Variants in DMC1 observed in about 807,000 individuals in gnomAD.
DMC1 encodes DNA meiotic recombinase 1, also known as meiotic recombination protein DMC1 homolog.
In DMC1, 27 loss-of-function variants were observed where a neutral mutation model predicts 50.1. The observed-to-expected ratio is 0.54, with a 90% confidence interval of 0.40 to 0.74. The LOEUF is 0.74. DMC1 is among the 30% of genes least tolerant of loss of function. The pLI is 0.00. For synonymous variants in DMC1, 148 were observed against 136.1 expected (o/e 1.09, Z -0.61); for missense variants, 295 against 420.2 (o/e 0.70, Z 2.60).
intron 12 of DMC1, among the ~76,000 whole-genome samples, chr22:38,528,448 G>A (rs1013564685): frequency 1.3e-5 from 2 of 151,840 alleles, no homozygotes; most frequent in African/African-American, 4.8e-5. Flanking sequence ...TATCCTTACG[G>A]CAATCTTGGC....
intron 12 of DMC1, among the ~76,000 whole-genome samples, chr22:38,525,419 G>A (rs2090077491): frequency 6.6e-6 from 1 of 152,118 alleles, no homozygotes; most frequent in South Asian, 2.1e-4. Context: ...AAACAAGACT[G>A]GGAAGCTAGA....
intron 4 of DMC1, among the ~76,000 whole-genome samples, chr22:38,565,514 G>C (rs891196240): frequency 3.3e-5 from 5 of 152,188 alleles, no homozygotes; most frequent in African/African-American, 1.2e-4. Context: ...ATTAAAAGTG[G>C]GTATAACTAT....
At chr22:38,515,606 C>T (rs12163172), downstream of DMC1, among the ~76,000 whole-genome samples, 1 of 152,070 alleles carries the variant, frequency 6.6e-6, no homozygotes, top group East Asian at 1.9e-4. Flanking sequence ...CGAGACCATC[C>T]TGGCCAACAT....
At chr22:38,522,684 C>G (rs1350195851) in intron 12 of DMC1, among the ~76,000 whole-genome samples, 1 of 152,148 alleles carries the variant, frequency 6.6e-6, no homozygotes, top group Non-Finnish European at 1.5e-5. Flanking sequence ...AGAATAATAG[C>G]TTCAGTTCTG....
intron 5 of DMC1, 21 bp from the exon 6 acceptor site, chr22:38,555,430 T>A (rs1254454310): frequency 6.8e-7 from 1 of 1,478,704 alleles, no homozygotes; most frequent in Non-Finnish European, 9.5e-7. Flanking sequence ...AAAGAAAGCA[T>A]TAGTAACAGG....
chr22:38,568,063 C>G, intron 2 of DMC1, 143 bp downstream of exon 2: 1 of 769,314 alleles, frequency 1.3e-6, no homozygotes, highest in Non-Finnish European at 2.2e-6. Flanking sequence ...AGCATCCTTG[C>G]CAAACAAGTT....
intron 12 of DMC1, among the ~76,000 whole-genome samples, chr22:38,535,005 TA>T (rs968216001): frequency 1.5e-4 from 20 of 135,258 alleles, no homozygotes; most frequent in South Asian, 2.3e-4. Context: ...AAACTCCATC[TA>T]AAAAAAAAAG....
chr22:38,556,703 G>C (rs2090472207), intron 5 of DMC1, among the ~76,000 whole-genome samples: 1 of 152,256 alleles, frequency 6.6e-6, no homozygotes, highest in East Asian at 1.9e-4. Flanking sequence ...ATTGTGCTAA[G>C]ACCTGGTAGG....
At chr22:38,563,313 C>G (rs896892135) in intron 4 of DMC1, among the ~76,000 whole-genome samples, 2 of 151,964 alleles carry the variant, frequency 1.3e-5, no homozygotes, top group Admixed American at 6.6e-5. Flanking sequence ...TAATGGGTGT[C>G]CCTCTTTGTT....
intron 12 of DMC1, among the ~76,000 whole-genome samples, chr22:38,534,052 TA>T (rs2090184267): frequency 6.6e-6 from 1 of 152,190 alleles, no homozygotes; most frequent in African/African-American, 2.4e-5. Flanking sequence ...GTCGGTGTCA[TA>T]AAAGTCTAAC....
At chr22:38,512,031 G>A in the DMC1 span, among the ~76,000 whole-genome samples, 1 of 151,914 alleles carries the variant, frequency 6.6e-6, no homozygotes, top group South Asian at 2.1e-4. Flanking sequence ...CTGGAGTGCA[G>A]TGGCACAATC....
chr22:38,534,849 A>C (rs2090192960), intron 12 of DMC1, among the ~76,000 whole-genome samples: 1 of 148,360 alleles, frequency 6.7e-6, no homozygotes, highest in African/African-American at 2.5e-5. Context: ...TAAAAATACA[A>C]AAAAAATTAG....
At chr22:38,526,530 C>T (rs906307932) in intron 12 of DMC1, among the ~76,000 whole-genome samples, 5 of 152,022 alleles carry the variant, frequency 3.3e-5, no homozygotes, top group Non-Finnish European at 7.4e-5. Flanking sequence ...CTTAACCTTT[C>T]TTGTAGGTCA....
chr22:38,512,026 G>A, the DMC1 span, among the ~76,000 whole-genome samples: 4 of 151,860 alleles, frequency 2.6e-5, no homozygotes, highest in African/African-American at 9.7e-5. Context: ...CCAGGCTGGA[G>A]TGCAGTGGCA....
intron 12 of DMC1, among the ~76,000 whole-genome samples, chr22:38,523,937 G>T (rs2090058820): frequency 6.6e-6 from 1 of 152,164 alleles, no homozygotes; most frequent in African/African-American, 2.4e-5. Context: ...GTCAAGGTTA[G>T]CTAAATGGGC....
intron 8 of DMC1, among the ~76,000 whole-genome samples, chr22:38,546,559 T>C (rs566290353): frequency 1.8e-4 from 27 of 152,184 alleles, no homozygotes; most frequent in Non-Finnish European, 2.4e-4. Context: ...CTTCCCCAAG[T>C]TAAAAGGCTC....
At chr22:38,540,043 G>C (rs556995878) in intron 8 of DMC1, among the ~76,000 whole-genome samples, 1 of 152,220 alleles carries the variant, frequency 6.6e-6, no homozygotes, top group South Asian at 2.1e-4. Context: ...ATCGACCAAA[G>C]GTTTTTTGTT....
intron 7 of DMC1, among the ~76,000 whole-genome samples, chr22:38,551,961 C>T (rs1285133392): frequency 1.3e-5 from 2 of 149,920 alleles, no homozygotes; most frequent in African/African-American, 2.5e-5. Flanking sequence ...CCCGGGTTCA[C>T]GCCATTCTCC....
At position 38,519,919 on chromosome 22, in the gene DMC1, G is replaced by GT; in HGVS notation, c.*100dup. 1.1e-6 allele frequency: 1 copy of GT among 940,488 alleles called. No homozygotes were observed. Among genetic ancestry groups the GT allele is most frequent in the Non-Finnish European group, 1.7e-6 (1 of 577,744 alleles). 58.3% of individuals were successfully genotyped at this position (940,488 alleles called of 1,614,324 possible). A position where few individuals can be genotyped will look rare whatever the true frequency, so the allele number is the denominator to read the frequency against. ...TTTGCTGACTTTTCTTTAGTAACAT[G>GT]TGGGAAAAAACCTCTATTTCAAGAT... On this transcript the variant is annotated 3_prime_UTR_variant, in exon 14 of 14. Coordinates refer to ENST00000216024, the MANE Select transcript of DMC1 (RefSeq NM_007068.4).
Sources: allele counts gnomAD v4.1 joint callset (sites outside exome capture counted in the v4.1 genomes callset), GRCh38; gene constraint gnomAD v4.1.1; transcripts MANE v1.5; gene names NCBI Gene and HGNC (gene_info 2026-07-23, HGNC 2026-07-21).